SNX27: variants seen among roughly 807,000 people sequenced by gnomAD.
SNX27 encodes the protein sorting nexin-27.
In SNX27, 22 loss-of-function variants were observed where a neutral mutation model predicts 71.6. The ratio of observed to expected loss-of-function variants is 0.31; its 90% CI spans 0.22 to 0.44. The LOEUF is 0.44. Among genes scored for constraint, SNX27 ranks in the 20% least tolerant of loss-of-function variants. The pLI, the probability that SNX27 is intolerant of heterozygous loss-of-function variation, is 1.00. For missense variants in SNX27, 531 were observed against 698.6 expected (o/e 0.76, Z 2.70); for synonymous variants, 269 against 277.2 (o/e 0.97, Z 0.29).
chr1:151,616,409 A>G (rs1329500363), intron 1 of SNX27, among the ~76,000 whole-genome samples: 1 of 152,218 alleles, frequency 6.6e-6, no homozygotes, highest in African/African-American at 2.4e-5. Context: ...AAGCATTCAA[A>G]ATCATGATAT....
intron 2 of SNX27, among the ~76,000 whole-genome samples, chr1:151,642,171 G>C (rs1326170394): frequency 6.6e-6 from 1 of 151,782 alleles, no homozygotes; most frequent in African/African-American, 2.4e-5. Context: ...TGGATCACTT[G>C]AGGTCAGGAG....
At chr1:151,640,152 T>C (rs1229968659) in intron 2 of SNX27, among the ~76,000 whole-genome samples, 1 of 152,216 alleles carries the variant, frequency 6.6e-6, no homozygotes, top group Non-Finnish European at 1.5e-5. Flanking sequence ...ATATAGGTTT[T>C]ATTTCAGCAT....
chr1:151,637,699 G>T (rs570102892), intron 1 of SNX27, among the ~76,000 whole-genome samples: 47 of 152,218 alleles, frequency 3.1e-4, no homozygotes, highest in Non-Finnish European at 6.0e-4. Flanking sequence ...TAGCTGGGGG[G>T]TCTCCTGACT....
intron 7 of SNX27, chr1:151,680,503 A>T (rs1237753098): frequency 1.3e-5 from 2 of 152,120 alleles, no homozygotes; most frequent in Non-Finnish European, 2.9e-5. Flanking sequence ...TTACTGCCCC[A>T]TGTGTAAAAG....
At chr1:151,677,613 C>T (rs1464143852) in intron 7 of SNX27, 1 of 151,786 alleles carries the variant, frequency 6.6e-6, no homozygotes, top group Non-Finnish European at 1.5e-5. Context: ...CTATGTTGCC[C>T]AGGCTGGCCT....
At position 151,695,616 on chromosome 1, in the gene SNX27, G is replaced by A. The variant is rs1671668026; in HGVS notation, c.*1199G>A. 1 of 151,716 alleles carries A rather than the reference G, an allele frequency of 6.6e-6. No individual in the cohort carries two copies. Among genetic ancestry groups the A allele is most frequent in the Middle Eastern group, 3.4e-3 (1 of 292 alleles). 9.4% of individuals were successfully genotyped at this position (151,716 alleles called of 1,614,324 possible). On this transcript the variant is annotated 3_prime_UTR_variant, in exon 12 of 12. Transcript: ENST00000458013. ...TCTTAAAATTTTTTTGTAGAGACAG[G>A]GTCTCACTATGTTGCCCAGGCTGGT... is the stretch of plus-strand genomic sequence containing the variant.
At chr1:151,667,686 G>C (rs1290499809) in intron 6 of SNX27, among the ~76,000 whole-genome samples, 1 of 151,836 alleles carries the variant, frequency 6.6e-6, no homozygotes, top group African/African-American at 2.4e-5. Context: ...AATTAGCCGG[G>C]CGTAGTGGCG....
chr1:151,657,637 CTT>C lies in SNX27; in HGVS notation c.544-595_544-594del, dbSNP rs201873166. Among the ~76,000 whole-genome samples, 151 of 152,274 alleles carry C rather than the reference CTT, an allele frequency of 9.9e-4. 3 individuals carry two copies. In the East Asian group the frequency reaches 0.025, roughly 26 times the overall value. ...TATTTACCACATTGGCTTCAAATGA[CTT>C]TTAACTTTCTGAAAATAAAATCCAC... On this transcript the variant is annotated intron_variant, in intron 2 of 11. Coordinates refer to ENST00000458013, the MANE Select transcript of SNX27 (RefSeq NM_001330723.2).
chr1:151,662,096 A>C, intron 4 of SNX27, 70 bp from the exon 5 acceptor site: 81 of 968,914 alleles, frequency 8.4e-5, no homozygotes, highest in Middle Eastern at 2.1e-4. Flanking sequence ...GTTATTGTCT[A>C]GCTAGCTTGT....
intron 2 of SNX27, among the ~76,000 whole-genome samples, chr1:151,647,384 A>T (rs1208732415): frequency 4.0e-5 from 6 of 149,274 alleles, no homozygotes; most frequent in African/African-American, 1.5e-4. Context: ...TCCTGACCTC[A>T]AGTGATCTGC....
intron 2 of SNX27, among the ~76,000 whole-genome samples, chr1:151,651,241 G>A (rs6587608): frequency 1.3e-5 from 2 of 149,600 alleles, no homozygotes; most frequent in Non-Finnish European, 3.0e-5. Flanking sequence ...CTGACCCCCC[G>A]ACCTCCCTCC....
intron 5 of SNX27, among the ~76,000 whole-genome samples, chr1:151,663,274 C>T (rs1190692164): frequency 6.6e-6 from 1 of 151,852 alleles, no homozygotes; most frequent in Non-Finnish European, 1.5e-5. Context: ...CCTCAGCCTC[C>T]CGAGCAGCTG....
Position 151,645,001 on chromosome 1 carries a change from T to C in SNX27, c.543+5882T>C, listed in dbSNP as rs541733732. Among the ~76,000 whole-genome samples, 35 of 152,256 alleles carry C rather than the reference T, an allele frequency of 2.3e-4. 1 individual carries two copies. The highest frequency in any genetic ancestry group is 2.2e-3 in the Admixed American group (33 of 15,290). On this transcript the variant is annotated intron_variant, in intron 2 of 11. Coordinates refer to ENST00000458013, the MANE Select transcript of SNX27 (RefSeq NM_001330723.2). ...TTTTAGTAGAGATGAGGTTTTGCCA[T>C]GTTGGCCAGGCTGGTCTCAAACTCC... is the stretch of plus-strand genomic sequence containing the variant.
At chr1:151,648,285 G>A (rs548641688) in intron 2 of SNX27, among the ~76,000 whole-genome samples, 1 of 152,146 alleles carries the variant, frequency 6.6e-6, no homozygotes, top group South Asian at 2.1e-4. Flanking sequence ...GAACTCCTGA[G>A]CTCAAGTGAT....
intron 7 of SNX27, among the ~76,000 whole-genome samples, chr1:151,682,699 C>CGA (rs1386169246): frequency 2.0e-5 from 3 of 151,994 alleles, no homozygotes; most frequent in Admixed American, 6.6e-5. Flanking sequence ...CACAAGGTGA[C>CGA]GAGAGAGAGA....
At chr1:151,660,617 G>C in intron 3 of SNX27, 181 bp from the exon 4 acceptor site, 1 of 573,896 alleles carries the variant, frequency 1.7e-6, no homozygotes, top group South Asian at 2.1e-5. Context: ...ATCATATTTA[G>C]ATGAATGTTT....
At chr1:151,614,950 C>T (rs902531732) in intron 1 of SNX27, among the ~76,000 whole-genome samples, 3 of 152,166 alleles carry the variant, frequency 2.0e-5, no homozygotes, top group African/African-American at 7.2e-5. Flanking sequence ...ATTGTGGCTT[C>T]TGCCCAAGAG....
At chr1:151,654,040 C>T (rs1354213703) in intron 2 of SNX27, among the ~76,000 whole-genome samples, 1 of 151,924 alleles carries the variant, frequency 6.6e-6, no homozygotes, top group African/African-American at 2.4e-5. Context: ...AGCATGTTGG[C>T]TGGGATAGTC....
intron 7 of SNX27, among the ~76,000 whole-genome samples, chr1:151,682,143 C>T (rs946410588): frequency 5.3e-5 from 8 of 152,338 alleles, no homozygotes; most frequent in African/African-American, 1.2e-4. Flanking sequence ...TCCTCTGACA[C>T]GAGAAACCAG....
Sources: allele counts gnomAD v4.1 joint callset (sites outside exome capture counted in the v4.1 genomes callset), GRCh38; gene constraint gnomAD v4.1.1; transcripts MANE v1.5; gene names NCBI Gene and HGNC (gene_info 2026-07-23, HGNC 2026-07-21).